The following CEP295 variants were observed in gnomAD, a reference collection of about 807,000 sequenced individuals.
CEP295 encodes centrosomal protein of 295 kDa.
A neutral mutation model predicts 291.6 loss-of-function variants in CEP295; 190 were observed. The ratio of observed to expected loss-of-function variants is 0.65; its 90% CI spans 0.58 to 0.73. CEP295 has a LOEUF of 0.73. CEP295 is among the 30% of genes least tolerant of loss of function. CEP295 has a pLI of 0.00. For synonymous variants in CEP295, 993 were observed against 1,038.8 expected, an observed-to-expected ratio of 0.96 and a Z score of 0.85; for missense variants, 2,863 against 2,949.4, an observed-to-expected ratio of 0.97 and a Z score of 0.68.
chr11:93,687,438 A>G (rs1461134733), intron 9 of CEP295, among the ~76,000 whole-genome samples: 1 of 152,190 alleles, frequency 6.6e-6, no homozygotes, highest in African/African-American at 2.4e-5. Flanking sequence ...TGGCACTTTT[A>G]CTATTTTCAG....
At chr11:93,713,514 GAA>G (rs1469737038) in intron 18 of CEP295, among the ~76,000 whole-genome samples, 7 of 152,152 alleles carry the variant, frequency 4.6e-5, no homozygotes, top group Non-Finnish European at 8.8e-5. Flanking sequence ...AAGGTTTCCT[GAA>G]AAGTCTGCTG....
At chr11:93,676,200 T>G (rs907103745) in intron 6 of CEP295, among the ~76,000 whole-genome samples, 6 of 152,046 alleles carry the variant, frequency 3.9e-5, no homozygotes, top group Non-Finnish European at 8.8e-5. Context: ...TCTGATTATA[T>G]ATAAATTCCT....
chr11:93,703,953 T>G (rs1255579811), intron 17 of CEP295, among the ~76,000 whole-genome samples: 1 of 152,000 alleles, frequency 6.6e-6, no homozygotes, highest in Non-Finnish European at 1.5e-5. Context: ...ATATTTTTAG[T>G]AGAGACGGGA....
At chr11:93,687,905 T>C in intron 10 of CEP295, 40 bp downstream of exon 10, 2 of 1,429,398 alleles carry the variant, frequency 1.4e-6, no homozygotes, top group South Asian at 1.4e-5. Flanking sequence ...TAAACCCTTT[T>C]AAGTTGTTCA....
intron 18 of CEP295, among the ~76,000 whole-genome samples, chr11:93,708,597 A>C (rs184077357): frequency 1.3e-3 from 196 of 152,252 alleles, no homozygotes; most frequent in African/African-American, 4.4e-3. Context: ...TATTGTGAAC[A>C]GTGCTGCAGT....
intron 1 of CEP295, among the ~76,000 whole-genome samples, chr11:93,662,962 C>T (rs1457632701): frequency 1.3e-5 from 2 of 152,192 alleles, no homozygotes; most frequent in Non-Finnish European, 2.9e-5. Context: ...TACATAACCT[C>T]AGTTTAATCA....
rs1950220637 is a variant in CEP295, at chr11:93,666,680, A to G, written c.-26-2A>G. On this transcript the variant is annotated splice_acceptor_variant, in intron 1 of 29. Coordinates refer to ENST00000325212, the MANE Select transcript of CEP295 (RefSeq NM_033395.2). LOFTEE classifies it low-confidence loss of function (5UTR_SPLICE). ...TATAGACATTTTCCTTTTTGAATTC[A>G]GAACTGTCATACATAAAGTACACAG... 1 of 1,115,130 alleles carries G rather than the reference A, an allele frequency of 9.0e-7. No homozygotes were observed. The highest frequency in any genetic ancestry group is 2.6e-5 in the East Asian group (1 of 38,262). 69.1% of individuals were successfully genotyped at this position (1,115,130 alleles called of 1,614,324 possible).
intron 18 of CEP295, among the ~76,000 whole-genome samples, chr11:93,718,566 A>G (rs942649586): frequency 7.9e-5 from 12 of 152,076 alleles, no homozygotes; most frequent in Admixed American, 6.6e-4. Flanking sequence ...ACTTCTTACT[A>G]CCACGCAAAT....
intron 12 of CEP295, among the ~76,000 whole-genome samples, chr11:93,694,188 C>T (rs1024285873): frequency 6.6e-6 from 1 of 152,284 alleles, no homozygotes; most frequent in African/African-American, 2.4e-5. Context: ...AGAAGTGCTG[C>T]TCTTTATATA....
At position 93,700,056 on chromosome 11, in the gene CEP295, ATCTAC is replaced by A; in HGVS notation, c.5145_5149del (p.Asp1715GlufsTer8). On this transcript the variant is annotated frameshift_variant, in exon 15 of 30. Transcript: ENST00000325212. LOFTEE classifies it high-confidence loss of function. ...AACTTGGGACTTCAGAAACAGTTGG[ATCTAC>A]AAAGAGAAGTTCTGCATTATAGCCA... The A allele has an allele frequency of 1.3e-6, 2 of 1,551,874 alleles. No individual in the cohort carries two copies. The highest frequency in any genetic ancestry group is 1.7e-6 in the Non-Finnish European group (2 of 1,147,026).
intron 18 of CEP295, among the ~76,000 whole-genome samples, chr11:93,711,211 TTTC>T (rs1952871996): frequency 6.6e-6 from 1 of 152,156 alleles, no homozygotes; most frequent in South Asian, 2.1e-4. Context: ...ATTTGAAGTT[TTTC>T]TTCTTTTTTT....
intron 20 of CEP295, 38 bp downstream of exon 20, chr11:93,722,088 C>G (rs1183320501): frequency 3.2e-6 from 4 of 1,240,608 alleles, no homozygotes; most frequent in Non-Finnish European, 4.6e-6. Flanking sequence ...AGTTGAAAGA[C>G]CGGCACCAGT....
intron 10 of CEP295, among the ~76,000 whole-genome samples, chr11:93,690,138 G>A (rs781325282): frequency 8.5e-5 from 13 of 152,322 alleles, no homozygotes; most frequent in Non-Finnish European, 1.3e-4. Flanking sequence ...CTGGCTGGGC[G>A]CAGTGGCTCA....
chr11:93,688,693 C>T (rs897860656), intron 10 of CEP295, among the ~76,000 whole-genome samples: 1 of 152,166 alleles, frequency 6.6e-6, no homozygotes, highest in Non-Finnish European at 1.5e-5. Context: ...CAAGTCCCTT[C>T]TCTTTATATC....
At chr11:93,664,063 G>A (rs114979310) in intron 1 of CEP295, among the ~76,000 whole-genome samples, 205 of 151,984 alleles carry the variant, frequency 1.3e-3, no homozygotes, top group African/African-American at 4.4e-3. Context: ...AATCAATTTT[G>A]TTGTACTTTT....
rs1473449953 is a variant in CEP295, at chr11:93,697,354, G to A, written c.2442G>A (p.Met814Ile). 1.9e-6 allele frequency: 3 copies of A among 1,551,732 alleles called. No homozygotes were observed. In the African/African-American group the frequency reaches 4.1e-5, roughly 21 times the overall value. ...SGKIQEPFSA[M>I]SKSTVSTSHS... The stretch of plus-strand genomic sequence containing the variant: ...AAATTCAAGAACCCTTTTCAGCCAT[G>A]AGCAAAAGTACAGTTTCCACAAGCC... Residue 814 changes from methionine (M) to isoleucine (I), a missense_variant, in exon 15 of 30, where the codon ATG becomes ATA. Around this residue, in one of 3 missense-constraint regions of CEP295, gnomAD observed 2,295 missense variants for 2,335.7 expected, o/e 0.98. Coordinates refer to ENST00000325212, the MANE Select transcript of CEP295 (RefSeq NM_033395.2).
In CEP295 at chr11:93,702,825, A is replaced by C. The variant is rs1952258259; in HGVS notation, c.5502A>C (p.Val1834=). The C allele has an allele frequency of 7.7e-6, 12 of 1,551,962 alleles. No individual in the cohort carries two copies. Among genetic ancestry groups the C allele is most frequent in the Non-Finnish European group, 1.0e-5 (12 of 1,147,010 alleles). The stretch of plus-strand genomic sequence containing the variant: ...GGAGAAGATCCTCAAAGCCACCTGT[A>C]GCAAAAGTCAAATGTGGTTTGGACT... ...DLGRRSSKPP[V]AKVKCGLDLN... The change falls in exon 17 of 30, where the codon GTA becomes GTC. Residue 1834 remains valine (V), a synonymous_variant. Coordinates refer to ENST00000325212, the MANE Select transcript of CEP295 (RefSeq NM_033395.2).
At chr11:93,690,895 T>C (rs543093052) in intron 10 of CEP295, among the ~76,000 whole-genome samples, 68 of 152,290 alleles carry the variant, frequency 4.5e-4, no homozygotes, top group African/African-American at 1.6e-3. Flanking sequence ...GGGCCTTTTA[T>C]ACCCATTGGT....
In CEP295 at chr11:93,685,873, G is replaced by A. The variant is rs529780699; in HGVS notation, c.1114+1745G>A. Among the ~76,000 whole-genome samples, 27 of 152,054 alleles carry A rather than the reference G, an allele frequency of 1.8e-4. No homozygotes were observed. The South Asian group carries it at 4.4e-3, about 25-fold the overall frequency. On this transcript the variant is annotated intron_variant, in intron 9 of 29. Transcript: ENST00000325212. ...CTACAGCCACACACCACCATGCCTG[G>A]CTAATTTTTGTATTTTTAGCAGAGA...
Sources: allele counts gnomAD v4.1 joint callset (sites outside exome capture counted in the v4.1 genomes callset), GRCh38; gene constraint gnomAD v4.1.1; regional missense constraint gnomAD v4.1.1; transcripts MANE v1.5; gene names NCBI Gene and HGNC (gene_info 2026-07-23, HGNC 2026-07-21).